MANBA: variants seen among roughly 807,000 people sequenced by gnomAD.
MANBA encodes the protein beta-mannosidase.
In MANBA, 83 loss-of-function variants were observed where a neutral mutation model predicts 111.1. The ratio of observed to expected loss-of-function variants is 0.75; its 90% CI spans 0.63 to 0.90. The LOEUF is 0.90. Ranked by LOEUF, MANBA falls within the 40% of genes least tolerant of loss-of-function variation. The pLI is 0.00. For missense variants in MANBA, 1,036 were observed against 1,069.0 expected (o/e 0.97, Z 0.43); for synonymous variants, 370 against 378.7 (o/e 0.98, Z 0.27).
intron 5 of MANBA, among the ~76,000 whole-genome samples, chr4:102,698,112 T>G (rs1406628890): frequency 1.3e-5 from 2 of 151,790 alleles, no homozygotes; most frequent in African/African-American, 4.9e-5. Context: ...TGGCCAGTGA[T>G]GATGAGCATT....
At chr4:102,657,560 C>G in intron 12 of MANBA, 122 bp downstream of exon 12, 1 of 828,102 alleles carries the variant, frequency 1.2e-6, no homozygotes, top group Non-Finnish European at 1.9e-6. Context: ...CCTCCATCTT[C>G]TTCTCAAACT....
chr4:102,647,543 TAGC>T (rs1578866932), intron 13 of MANBA, among the ~76,000 whole-genome samples: 1 of 151,758 alleles, frequency 6.6e-6, no homozygotes, highest in African/African-American at 2.4e-5. Flanking sequence ...TAAAAAACAA[TAGC>T]AGAAAAGTCT....
chr4:102,670,015 C>T (rs1464899506), intron 9 of MANBA, among the ~76,000 whole-genome samples: 1 of 151,582 alleles, frequency 6.6e-6, no homozygotes, highest in Non-Finnish European at 1.5e-5. Context: ...ATTAGCCGGG[C>T]GTGGTGACAC....
intron 12 of MANBA, among the ~76,000 whole-genome samples, chr4:102,653,538 C>T (rs1329251515): frequency 6.6e-6 from 1 of 152,018 alleles, no homozygotes; most frequent in Non-Finnish European, 1.5e-5. Flanking sequence ...AATAAAAGAG[C>T]CAAAGTTTTA....
At chr4:102,708,700 A>G (rs1441412772) in intron 5 of MANBA, among the ~76,000 whole-genome samples, 1 of 152,080 alleles carries the variant, frequency 6.6e-6, no homozygotes, top group African/African-American at 2.4e-5. Flanking sequence ...GCAAAGGATC[A>G]ATGAAATGAA....
intron 1 of MANBA, among the ~76,000 whole-genome samples, chr4:102,759,955 G>C (rs1249847225): frequency 1.3e-5 from 2 of 152,146 alleles, no homozygotes; most frequent in Non-Finnish European, 2.9e-5. Flanking sequence ...AAGACAACAC[G>C]TGGGAACGCT....
intron 5 of MANBA, among the ~76,000 whole-genome samples, chr4:102,701,838 T>G (rs1414556690): frequency 6.6e-6 from 1 of 151,028 alleles, no homozygotes; most frequent in African/African-American, 2.4e-5. Flanking sequence ...ATTATGTGTC[T>G]TGGAGTTGCT....
At chr4:102,641,116 G>A (rs1729860941) in intron 13 of MANBA, among the ~76,000 whole-genome samples, 1 of 152,144 alleles carries the variant, frequency 6.6e-6, no homozygotes, top group South Asian at 2.1e-4. Flanking sequence ...TCATATGGTG[G>A]GGCAATTGGG....
intron 5 of MANBA, among the ~76,000 whole-genome samples, chr4:102,702,613 A>G (rs1028864406): frequency 6.6e-6 from 1 of 152,168 alleles, no homozygotes. Context: ...GGAGTTTGCT[A>G]GAGGTCCACT....
intron 1 of MANBA, among the ~76,000 whole-genome samples, chr4:102,747,340 G>A (rs1723626439): frequency 6.6e-6 from 1 of 152,078 alleles, no homozygotes; most frequent in African/African-American, 2.4e-5. Flanking sequence ...ATAGAGGCTG[G>A]GAGGATAAGC....
At chr4:102,708,039 T>G (rs576536795) in intron 5 of MANBA, among the ~76,000 whole-genome samples, 11 of 152,224 alleles carry the variant, frequency 7.2e-5, no homozygotes, top group African/African-American at 2.6e-4. Context: ...TAAAGACAGA[T>G]AGATTCCAAT....
intron 4 of MANBA, 44 bp from the exon 5 acceptor site, chr4:102,714,605 G>A (rs1286050499): frequency 6.4e-7 from 1 of 1,572,388 alleles, no homozygotes. Context: ...TGATTATGGT[G>A]AAATTTAAAC....
intron 5 of MANBA, among the ~76,000 whole-genome samples, chr4:102,701,284 G>A (rs1374677363): frequency 6.6e-6 from 1 of 151,918 alleles, no homozygotes; most frequent in African/African-American, 2.4e-5. Context: ...CCTGAATACA[G>A]CACACTGATG....
rs1357666226 is a variant in MANBA at position 102,657,669 on chromosome 4, A to G, written c.1704+13T>C. On this transcript the variant is annotated intron_variant, in intron 12 of 16. Coordinates refer to ENST00000647097, the MANE Select transcript of MANBA (RefSeq NM_005908.4). ...ATCATTCTGAAACATTAGAAAATCA[A>G]ACGATGACTTACCTTTTCTAATGTA... 6.3e-7 allele frequency: 1 copy of G among 1,577,842 alleles called. No individual in the cohort carries two copies. Among genetic ancestry groups the G allele is most frequent in the Non-Finnish European group, 8.7e-7 (1 of 1,147,350 alleles).
At chr4:102,749,703 T>C (rs1447674350) in intron 1 of MANBA, among the ~76,000 whole-genome samples, 2 of 152,228 alleles carry the variant, frequency 1.3e-5, no homozygotes, top group African/African-American at 4.8e-5. Context: ...ATTATACCTT[T>C]TCCAGAGGGT....
At chr4:102,663,247 T>A (rs551813515) in intron 11 of MANBA, among the ~76,000 whole-genome samples, 1 of 152,158 alleles carries the variant, frequency 6.6e-6, no homozygotes, top group Non-Finnish European at 1.5e-5. Context: ...TTAGTCCACA[T>A]AACAGCTCTT....
At position 102,639,847 on chromosome 4, in the gene MANBA, G is replaced by A; in HGVS notation, c.1880C>T (p.Ala627Val). 6.2e-7 allele frequency: 1 copy of A among 1,614,046 alleles called. No homozygotes were observed. Among genetic ancestry groups the A allele is most frequent in the Non-Finnish European group, 8.5e-7 (1 of 1,179,964 alleles). The change falls in exon 14 of 17, where the codon GCC becomes GTC. Residue 627 changes from alanine to valine, a missense_variant. Ala to Val is a moderately conservative substitution (Grantham distance 64). Coordinates refer to ENST00000647097, the MANE Select transcript of MANBA (RefSeq NM_005908.4). ...TTCAGTTTCTGTTTTGACACACTGG[G>A]CCTGCATCACCTGATTCAGGAAAAC... ...DTIYLTQVMQ[A>V]QCVKTETEFY...
chr4:102,680,627 A>G (rs1731921778), intron 7 of MANBA, among the ~76,000 whole-genome samples: 1 of 152,208 alleles, frequency 6.6e-6, no homozygotes, highest in Admixed American at 6.5e-5. Context: ...CCAAAAAAGC[A>G]AATTCCACAA....
chr4:102,752,196 G>A, intron 1 of MANBA: 1 of 829,120 alleles, frequency 1.2e-6, no homozygotes. Flanking sequence ...GAAATCTGCA[G>A]TGCATCTTGG....
Sources: gnomAD v4.1 joint callset for allele counts (sites outside exome capture counted in the v4.1 genomes callset) on GRCh38, gnomAD v4.1.1 for gene constraint, MANE v1.5 for transcripts, NCBI Gene and HGNC (gene_info 2026-07-23, HGNC 2026-07-21) for gene names.